The following SHISA9 variants were observed in gnomAD, a reference collection of about 807,000 sequenced individuals.
The protein encoded by SHISA9 is protein shisa-9.
In SHISA9, 13 loss-of-function variants were observed where a neutral mutation model predicts 38.0. The observed-to-expected ratio is 0.34, with a 90% CI of 0.22 to 0.54. The LOEUF (loss-of-function observed/expected upper bound fraction) is 0.54, where lower values mean the gene tolerates loss of function less well. Ranked by LOEUF, SHISA9 falls within the 20% of genes least tolerant of loss-of-function variation. The pLI is 0.91. For synonymous variants in SHISA9, 275 were observed against 242.0 expected, an observed-to-expected ratio of 1.14 and a Z score of -1.27; for missense variants, 538 against 575.8, an observed-to-expected ratio of 0.93 and a Z score of 0.67.
the SHISA9 span, among the ~76,000 whole-genome samples, chr16:13,288,402 A>G: frequency 2.6e-5 from 4 of 152,188 alleles, no homozygotes; most frequent in African/African-American, 9.6e-5. Context: ...GTGTTTTCAC[A>G]TGGGAGACTT....
chr16:12,933,452 G>A (rs1311185167), intron 2 of SHISA9, among the ~76,000 whole-genome samples: 1 of 152,062 alleles, frequency 6.6e-6, no homozygotes, highest in Non-Finnish European at 1.5e-5. Flanking sequence ...ATGCCACTGT[G>A]CCTGGCTAAT....
intron 2 of SHISA9, among the ~76,000 whole-genome samples, chr16:12,933,276 G>A (rs2071485244): frequency 6.6e-6 from 1 of 151,816 alleles, no homozygotes; most frequent in African/African-American, 2.4e-5. Flanking sequence ...CTATAGGAAT[G>A]CCAATTCAGA....
At chr16:13,217,202 C>T (rs1357158580) in intron 4 of SHISA9, among the ~76,000 whole-genome samples, 4 of 151,976 alleles carry the variant, frequency 2.6e-5, no homozygotes, top group African/African-American at 7.3e-5. Flanking sequence ...GGCGCGAACC[C>T]GGGAGGTGGA....
intron 2 of SHISA9, among the ~76,000 whole-genome samples, chr16:13,119,591 A>T (rs888844586): frequency 6.6e-6 from 1 of 152,230 alleles, no homozygotes; most frequent in African/African-American, 2.4e-5. Context: ...ATCATTAATA[A>T]TCACGAATAA....
At chr16:12,928,439 T>C (rs1318928511) in intron 2 of SHISA9, among the ~76,000 whole-genome samples, 1 of 152,188 alleles carries the variant, frequency 6.6e-6, no homozygotes, top group Non-Finnish European at 1.5e-5. Flanking sequence ...TCCCTTAAGG[T>C]ACACAACCAT....
chr16:13,463,475 C>T, the SHISA9 span, among the ~76,000 whole-genome samples: 2 of 152,074 alleles, frequency 1.3e-5, no homozygotes, highest in East Asian at 1.9e-4. Flanking sequence ...AAGAGTTGCT[C>T]GGGAGCTCTG....
chr16:12,909,147 A>T (rs2071146450), intron 1 of SHISA9: 17 of 985,828 alleles, frequency 1.7e-5, no homozygotes, highest in Non-Finnish European at 2.0e-5. Flanking sequence ...GAAAAGTCTT[A>T]ATTTATTTTT....
At chr16:13,464,024 A>C in the SHISA9 span, among the ~76,000 whole-genome samples, 1 of 152,252 alleles carries the variant, frequency 6.6e-6, no homozygotes, top group East Asian at 1.9e-4. Context: ...CTCAAACTGC[A>C]TCCTCTTTTC....
rs117051967 is a variant in SHISA9 at position 12,933,196 on chromosome 16, C to T, written c.691+16381C>T. Among the ~76,000 whole-genome samples the T allele has an allele frequency of 5.8e-3, 887 of 152,242 alleles. 7 individuals carry two copies. The highest frequency in any genetic ancestry group is 0.034 in the Middle Eastern group (10 of 292). The stretch of plus-strand genomic sequence containing the variant: ...ATAAACTTTTATTCTTTTATATTCT[C>T]TAAGCTATTTCCCTGCATCGAGTCA... On this transcript the variant is annotated intron_variant, in intron 2 of 4. Transcript: ENST00000558583.
the SHISA9 span, among the ~76,000 whole-genome samples, chr16:13,491,678 C>T: frequency 1.3e-5 from 2 of 151,264 alleles, no homozygotes; most frequent in African/African-American, 4.9e-5. Flanking sequence ...TTAGTAGAGT[C>T]GGGGTTTCAT....
intron 2 of SHISA9, among the ~76,000 whole-genome samples, chr16:13,150,863 A>G (rs2050493087): frequency 6.6e-6 from 1 of 152,204 alleles, no homozygotes; most frequent in Admixed American, 6.5e-5. Flanking sequence ...CAAAACCACA[A>G]TGTAACGTTT....
the SHISA9 span, among the ~76,000 whole-genome samples, chr16:13,262,660 GGAAGGAAGGA>G: frequency 9.3e-6 from 1 of 107,408 alleles, no homozygotes; most frequent in Non-Finnish European, 2.0e-5. Flanking sequence ...AAGGAAGGAA[GGAAGGAAGGA>G]AGGGAGGGAG....
chr16:13,490,515 T>C, the SHISA9 span, among the ~76,000 whole-genome samples: 48 of 152,238 alleles, frequency 3.2e-4, no homozygotes, highest in African/African-American at 1.1e-3. Flanking sequence ...CAGTGAGCCA[T>C]GATTGTGCCA....
chr16:12,983,228 C>T (rs939229148), intron 2 of SHISA9, among the ~76,000 whole-genome samples: 5 of 152,182 alleles, frequency 3.3e-5, no homozygotes, highest in Non-Finnish European at 5.9e-5. Context: ...GCTTATGTGG[C>T]TTGTGGCAGC....
the SHISA9 span, among the ~76,000 whole-genome samples, chr16:13,268,136 C>G: frequency 6.6e-6 from 1 of 151,910 alleles, no homozygotes; most frequent in Non-Finnish European, 1.5e-5. Flanking sequence ...GTGATCAAAT[C>G]AATGTTTTTG....
the SHISA9 span, among the ~76,000 whole-genome samples, chr16:13,377,895 T>C: frequency 6.6e-6 from 1 of 151,912 alleles, no homozygotes; most frequent in Non-Finnish European, 1.5e-5. Flanking sequence ...TAGCCAGTCG[T>C]GGTGGCACGC....
chr16:13,100,835 G>A (rs1328058272), intron 2 of SHISA9, among the ~76,000 whole-genome samples: 4 of 152,152 alleles, frequency 2.6e-5, no homozygotes, highest in African/African-American at 9.7e-5. Flanking sequence ...AGCCTCCCAA[G>A]TAGCTGGGAT....
the SHISA9 span, among the ~76,000 whole-genome samples, chr16:13,409,312 A>G: frequency 7.9e-5 from 12 of 152,008 alleles, no homozygotes; most frequent in East Asian, 1.9e-3. Flanking sequence ...GTGTGACCCA[A>G]TTTTTCCAGG....
the SHISA9 span, among the ~76,000 whole-genome samples, chr16:13,368,489 A>G: frequency 7.9e-5 from 12 of 152,162 alleles, no homozygotes; most frequent in Non-Finnish European, 1.8e-4. Context: ...TGTAGGTTTT[A>G]GAGGCTTCGT....
Sources: gnomAD v4.1 joint callset for allele counts (sites outside exome capture counted in the v4.1 genomes callset) on GRCh38, gnomAD v4.1.1 for gene constraint, MANE v1.5 for transcripts, NCBI Gene and HGNC (gene_info 2026-07-23, HGNC 2026-07-21) for gene names.